Variants in MAP3K9 observed in about 807,000 individuals in gnomAD.
MAP3K9 encodes the protein mixed lineage kinase 1 (tyr and ser/thr specificity).
In MAP3K9, 46 loss-of-function variants were observed where a neutral mutation model predicts 95.8. The ratio of observed to expected loss-of-function variants is 0.48; its 90% confidence interval spans 0.38 to 0.61. The LOEUF is 0.61. Among genes scored for constraint, MAP3K9 ranks in the 20% least tolerant of loss-of-function variants. MAP3K9 has a pLI of 0.00. For synonymous variants in MAP3K9, 533 were observed against 593.8 expected (o/e 0.90, Z 1.49); for missense variants, 1,296 against 1,474.3 (o/e 0.88, Z 1.98).
At chr14:70,774,320 T>G (rs1435462816) in intron 2 of MAP3K9, among the ~76,000 whole-genome samples, 2 of 152,170 alleles carry the variant, frequency 1.3e-5, no homozygotes, top group Non-Finnish European at 2.9e-5. Flanking sequence ...TTACAAGGCT[T>G]GTAATATATT....
At chr14:70,743,276 C>A (rs1195517591) in intron 5 of MAP3K9, among the ~76,000 whole-genome samples, 2 of 152,158 alleles carry the variant, frequency 1.3e-5, no homozygotes, top group Non-Finnish European at 2.9e-5. Flanking sequence ...GCGTGAGTCA[C>A]TGCGACAAGC....
rs2053930617 is a variant in MAP3K9 at position 70,732,938 on chromosome 14, G to A, written c.2431C>T (p.Pro811Ser). ...TCCTTCTTGAAAAGCTTTCGGGATG[G>A]GGGGCTGGTGCTCCGACGAGGACGG... Reference protein sequence around the residue: ...SSRPRRSTSPPSRKLFKKEEP... With the variant: ...SSRPRRSTSPSSRKLFKKEEP... The change falls in exon 11 of 12, where the codon CCA (proline) becomes TCA (serine). Residue 811 changes from proline to serine, a missense_variant. Coordinates refer to ENST00000554752, the MANE Select transcript of MAP3K9 (RefSeq NM_001284230.2). 6.2e-7 allele frequency: 1 copy of A among 1,613,940 alleles called. No homozygotes were observed. Among genetic ancestry groups the A allele is most frequent in the African/African-American group, 1.3e-5 (1 of 74,922 alleles).
intron 2 of MAP3K9, among the ~76,000 whole-genome samples, chr14:70,797,590 T>G (rs764927811): frequency 6.6e-5 from 10 of 151,860 alleles, no homozygotes; most frequent in Non-Finnish European, 1.0e-4. Context: ...ATACAAAAAT[T>G]AGCCAGGTGT....
At chr14:70,801,195 C>G (rs2054926375) in intron 1 of MAP3K9, 115 bp from the exon 2 acceptor site, 1 of 963,862 alleles carries the variant, frequency 1.0e-6, no homozygotes, top group Non-Finnish European at 1.5e-6. Flanking sequence ...CTGGGCCTTT[C>G]TGTCTCCCCA....
rs746130985 is a variant in MAP3K9 at position 70,740,050 on chromosome 14, G to A, written c.1682C>T (p.Ala561Val). ...TTGGGAAACAGTCTCACACTGGATG[G>A]CTCGAAGGCGAGGAATGATGGTGGG... is the stretch of plus-strand genomic sequence containing the variant. ...ASPTIIPRLR[A>V]IQLTPGESSK... The change falls in exon 7 of 12, where the codon GCC becomes GTC. Residue 561 changes from alanine (A) to valine (V), a missense_variant. Coordinates refer to ENST00000554752, the MANE Select transcript of MAP3K9 (RefSeq NM_001284230.2). 6.2e-6 allele frequency: 10 copies of A among 1,614,208 alleles called. No homozygotes were observed. The highest frequency in any genetic ancestry group is 8.5e-6 in the Non-Finnish European group (10 of 1,180,042).
At position 70,809,423 on chromosome 14, in the gene MAP3K9, C is replaced by A; in HGVS notation, c.-252G>T. On this transcript the variant is annotated 5_prime_UTR_variant, in exon 1 of 12. Coordinates refer to ENST00000554752, the MANE Select transcript of MAP3K9 (RefSeq NM_001284230.2). ...CGAGTCCCCGCCTGCCCGCTCGCCC[C>A]CCCGGGGGCGGCCTCGTCACCTCTG... 2.9e-6 allele frequency: 1 copy of A among 349,712 alleles called. No homozygotes were observed. Among genetic ancestry groups the A allele is most frequent in the Non-Finnish European group, 5.0e-6 (1 of 199,500 alleles). 21.7% of individuals were successfully genotyped at this position (349,712 alleles called of 1,614,324 possible).
intron 2 of MAP3K9, among the ~76,000 whole-genome samples, chr14:70,773,077 T>C (rs1028037268): frequency 6.6e-6 from 1 of 152,192 alleles, no homozygotes; most frequent in Non-Finnish European, 1.5e-5. Context: ...AACAGAAATA[T>C]TTACACTTTA....
intron 2 of MAP3K9, among the ~76,000 whole-genome samples, chr14:70,775,910 C>T (rs1050790955): frequency 8.5e-5 from 13 of 152,070 alleles, no homozygotes; most frequent in Admixed American, 2.6e-4. Context: ...TATTTGGGGC[C>T]GGGTGTGGTG....
intron 3 of MAP3K9, among the ~76,000 whole-genome samples, chr14:70,751,007 G>A (rs745897274): frequency 1.9e-4 from 29 of 151,976 alleles, no homozygotes; most frequent in Non-Finnish European, 3.5e-4. Flanking sequence ...TGCCCACTAG[G>A]TTGAATAGAT....
At position 70,731,977 on chromosome 14, in the gene MAP3K9, G is replaced by T. The variant is rs546718204; in HGVS notation, c.2830+562C>A. On this transcript the variant is annotated intron_variant, in intron 11 of 11. Transcript: ENST00000554752. The stretch of plus-strand genomic sequence containing the variant: ...ATGTCGAGGGCAGTCATATGCACGG[G>T]GATAGCAATTTGCCTGGACTCATCT... 7.2e-5 allele frequency among the ~76,000 whole-genome samples: 11 copies of T among 151,976 alleles called. No homozygotes were observed. In the South Asian group the frequency reaches 2.3e-3, roughly 32 times the overall value.
Position 70,723,685 on chromosome 14 carries a change from T to C in MAP3K9, c.*6695A>G, listed in dbSNP as rs1228480086. The C allele has an allele frequency of 6.6e-6, 1 of 152,192 alleles. No individual in the cohort carries two copies. Among genetic ancestry groups the C allele is most frequent in the Non-Finnish European group, 1.5e-5 (1 of 68,032 alleles). The allele number at this position is 152,192 out of a possible 1,614,324, so 9.4% of individuals were successfully genotyped here. ...TTACAGAGCCATCAGAGCCTTGGTT[T>C]CCACATTCTTAAATGGGGGTAATAC... On this transcript the variant is annotated 3_prime_UTR_variant, in exon 12 of 12. Transcript: ENST00000554752.
intron 2 of MAP3K9, among the ~76,000 whole-genome samples, chr14:70,765,770 A>G (rs2054445490): frequency 6.7e-6 from 1 of 148,786 alleles, no homozygotes; most frequent in African/African-American, 2.4e-5. Flanking sequence ...ACAAAAAAAA[A>G]AAAACAAAGG....
chr14:70,802,940 C>A (rs1005610411), intron 1 of MAP3K9, among the ~76,000 whole-genome samples: 4 of 152,046 alleles, frequency 2.6e-5, no homozygotes, highest in Non-Finnish European at 4.4e-5. Flanking sequence ...CCAGTGCTGG[C>A]GGTGGGGCCT....
Position 70,807,232 on chromosome 14 carries a change from C to A in MAP3K9, c.406+1534G>T, listed in dbSNP as rs138712999. 7.3e-4 allele frequency among the ~76,000 whole-genome samples: 111 copies of A among 152,348 alleles called. No homozygotes were observed. The East Asian group carries it at 0.016, about 22-fold the overall frequency. Reference sequence around the variant, plus strand: ...ATAGGCCAGACACGGTGGCTCACGCCTGTAATCCAACACTTTGGAAGGCCG... The same window carrying A: ...ATAGGCCAGACACGGTGGCTCACGCATGTAATCCAACACTTTGGAAGGCCG... On this transcript the variant is annotated intron_variant, in intron 1 of 11. Coordinates refer to ENST00000554752, the MANE Select transcript of MAP3K9 (RefSeq NM_001284230.2).
At chr14:70,735,194 C>G (rs1212919797) in intron 9 of MAP3K9, among the ~76,000 whole-genome samples, 1 of 152,076 alleles carries the variant, frequency 6.6e-6, no homozygotes, top group Non-Finnish European at 1.5e-5. Flanking sequence ...ATATGGAAAG[C>G]CGGTAACTCT....
intron 9 of MAP3K9, among the ~76,000 whole-genome samples, chr14:70,735,418 T>C (rs2053972381): frequency 6.6e-6 from 1 of 151,836 alleles, no homozygotes; most frequent in Non-Finnish European, 1.5e-5. Flanking sequence ...AAAGACCACT[T>C]TCCCCAAAGT....
At chr14:70,788,700 C>G (rs898288124) in intron 2 of MAP3K9, among the ~76,000 whole-genome samples, 5 of 152,154 alleles carry the variant, frequency 3.3e-5, no homozygotes, top group Non-Finnish European at 7.3e-5. Context: ...AGACACAGTG[C>G]TAGAATCTGT....
intron 3 of MAP3K9, among the ~76,000 whole-genome samples, chr14:70,758,383 A>T (rs79275415): frequency 0.043 from 6,523 of 152,054 alleles, 163 homozygotes; most frequent in Admixed American, 0.062. Context: ...CTTTTTTTTT[A>T]AAAAAAGGCA....
At position 70,722,738 on chromosome 14, in the gene MAP3K9, T is replaced by C. The variant is rs1288471362; in HGVS notation, c.*7642A>G. ...GTTTCCTTCAGGACTTTTTCATCTTTAAATATTGTTGACAACATACAATAA... is the reference window on the plus strand; with the variant it reads ...GTTTCCTTCAGGACTTTTTCATCTTCAAATATTGTTGACAACATACAATAA... On this transcript the variant is annotated 3_prime_UTR_variant, in exon 12 of 12. Transcript: ENST00000554752. The C allele has an allele frequency of 6.6e-6, 1 of 151,160 alleles. No homozygotes were observed. Among genetic ancestry groups the C allele is most frequent in the Non-Finnish European group, 1.5e-5 (1 of 67,954 alleles). 9.4% of individuals were successfully genotyped at this position (151,160 alleles called of 1,614,324 possible).
Sources: gnomAD v4.1 joint callset for allele counts (sites outside exome capture counted in the v4.1 genomes callset) on GRCh38, gnomAD v4.1.1 for gene constraint, MANE v1.5 for transcripts, NCBI Gene and HGNC (gene_info 2026-07-23, HGNC 2026-07-21) for gene names.